The following SLC7A2 variants were observed in gnomAD, a reference collection of about 807,000 sequenced individuals.
SLC7A2 encodes the protein solute carrier family 7 member 2.
SLC7A2 carries 48 observed loss-of-function variants against 58.9 expected under a neutral mutation model. The ratio of observed to expected loss-of-function variants is 0.82; its 90% CI spans 0.65 to 1.04. The LOEUF is 1.04. Among genes scored for constraint, SLC7A2 ranks in the 50% least tolerant of loss-of-function variants. The pLI, the probability that SLC7A2 is intolerant of heterozygous loss-of-function variation, is 0.00. For synonymous variants in SLC7A2, 363 were observed against 314.5 expected (o/e 1.15, Z -1.63); for missense variants, 1,029 against 818.8 (o/e 1.26, Z -3.13).
intron 2 of SLC7A2, among the ~76,000 whole-genome samples, chr8:17,525,865 A>G (rs989072517): frequency 1.3e-5 from 2 of 152,204 alleles, no homozygotes; most frequent in Non-Finnish European, 2.9e-5. Context: ...AGGGAGGCTG[A>G]GTACTGAGAG....
chr8:17,507,133 G>A (rs1800400618), intron 2 of SLC7A2, among the ~76,000 whole-genome samples: 1 of 151,900 alleles, frequency 6.6e-6, no homozygotes, highest in African/African-American at 2.4e-5. Flanking sequence ...TTTTAGTAGA[G>A]ATGGGGTTTT....
At chr8:17,561,284 G>A (rs1040625517) in intron 10 of SLC7A2, among the ~76,000 whole-genome samples, 3 of 152,164 alleles carry the variant, frequency 2.0e-5, no homozygotes, top group Admixed American at 6.5e-5. Flanking sequence ...ACAGTTCCAC[G>A]TGGTTAGGGA....
intron 1 of SLC7A2, chr8:17,498,532 C>G (rs1800036342): frequency 6.6e-6 from 1 of 152,124 alleles, no homozygotes; most frequent in Non-Finnish European, 1.5e-5. Flanking sequence ...TCTCTCAGTG[C>G]AGAACACAGG....
In SLC7A2 at chr8:17,554,644, C is replaced by A; in HGVS notation, c.1140C>A (p.Ile380=). ...DGLLFKCLAQ[I]NSKTKTPIIA... The stretch of plus-strand genomic sequence containing the variant: ...TGCTTTTCAAATGTCTAGCTCAAAT[C>A]AATTCCAAAACGAAGACACCAATAA... The change falls in exon 8 of 13, where the codon ATC becomes ATA. Residue 380 remains isoleucine (I), a synonymous_variant. Coordinates refer to ENST00000494857, the MANE Select transcript of SLC7A2 (RefSeq NM_001370338.1). 2 of 1,613,454 alleles carry A rather than the reference C, an allele frequency of 1.2e-6. No individual in the cohort carries two copies. Among genetic ancestry groups the A allele is most frequent in the South Asian group, 1.1e-5 (1 of 90,976 alleles).
intron 2 of SLC7A2, among the ~76,000 whole-genome samples, chr8:17,518,709 TTA>T (rs1314694013): frequency 6.6e-6 from 1 of 152,206 alleles, no homozygotes; most frequent in Non-Finnish European, 1.5e-5. Context: ...ATGCTAATCA[TTA>T]TATTATATTC....
intron 2 of SLC7A2, among the ~76,000 whole-genome samples, chr8:17,511,563 G>A (rs1382422908): frequency 1.3e-5 from 2 of 152,176 alleles, no homozygotes; most frequent in African/African-American, 4.8e-5. Flanking sequence ...ATTATTCACA[G>A]AATAGATAGA....
intron 6 of SLC7A2, 101 bp from the exon 7 acceptor site, chr8:17,551,660 AGAG>A (rs1021737561): frequency 1.1e-5 from 9 of 812,984 alleles, no homozygotes; most frequent in Admixed American, 5.9e-5. Flanking sequence ...GGACAAAAGC[AGAG>A]GAGAACTACC....
At position 17,551,795 on chromosome 8, in the gene SLC7A2, T is replaced by G. The variant is rs1802462608; in HGVS notation, c.864T>G (p.Ile288Met). 2 of 1,613,870 alleles carry G rather than the reference T, an allele frequency of 1.2e-6. No individual in the cohort carries two copies. Among genetic ancestry groups the G allele is most frequent in the Admixed American group, 3.3e-5 (2 of 59,970 alleles). ...AAGTTCGGAATCCCCAGAAAGCTAT[T>G]CCCATTGGAATTGTGACGTCTTTGC... ...GEEVRNPQKA[I>M]PIGIVTSLLV... is the part of the protein sequence containing the mutation. Residue 288 changes from isoleucine (I) to methionine (M), a missense_variant, in exon 7 of 13, where the codon ATT (isoleucine) becomes ATG (methionine). Transcript: ENST00000494857.
At chr8:17,558,538 A>G (rs1193061253) in intron 9 of SLC7A2, 141 bp downstream of exon 9, 3 of 521,954 alleles carry the variant, frequency 5.7e-6, no homozygotes, top group Non-Finnish European at 1.0e-5. Flanking sequence ...ATAGCAATGA[A>G]AAGTGGAAGA....
intron 2 of SLC7A2, among the ~76,000 whole-genome samples, chr8:17,512,218 A>C (rs1800631880): frequency 6.6e-6 from 1 of 151,902 alleles, no homozygotes; most frequent in African/African-American, 2.4e-5. Flanking sequence ...GCTTTTTTTC[A>C]AGGCCCTGGA....
chr8:17,506,794 T>C (rs2150655139), intron 2 of SLC7A2, among the ~76,000 whole-genome samples: 1 of 151,992 alleles, frequency 6.6e-6, no homozygotes, highest in South Asian at 2.1e-4. Context: ...CTTTGTTGCC[T>C]GTCTGGAGTG....
Position 17,543,766 on chromosome 8 carries a change from C to G in SLC7A2, c.376+51C>G, listed in dbSNP as rs374329351. On this transcript the variant is annotated intron_variant, in intron 3 of 12. Transcript: ENST00000494857. The stretch of plus-strand genomic sequence containing the variant: ...TGTGTGGAATGGAAGAAATCGCAGC[C>G]CTGAGTCACAGCCCTTAGGTTCAGT... 80 of 1,482,502 alleles carry G rather than the reference C, an allele frequency of 5.4e-5. No individual in the cohort carries two copies. The African/African-American group carries it at 1.1e-3, about 20-fold the overall frequency. The allele number at this position is 1,482,502 out of a possible 1,614,324, so 91.8% of individuals were successfully genotyped here.
Position 17,518,915 on chromosome 8 carries a change from G to C in SLC7A2, c.-23+16613G>C, listed in dbSNP as rs186058320. On this transcript the variant is annotated intron_variant, in intron 2 of 12. Coordinates refer to ENST00000494857, the MANE Select transcript of SLC7A2 (RefSeq NM_001370338.1). ...TGCCAGCATGGTTGAGCTCTGGGGAGGGCTCTTTTCCTGGCCTGCAGACGG... is the reference window on the plus strand; with the variant it reads ...TGCCAGCATGGTTGAGCTCTGGGGACGGCTCTTTTCCTGGCCTGCAGACGG... 2.2e-3 allele frequency among the ~76,000 whole-genome samples: 340 copies of C among 152,226 alleles called. 1 individual carries two copies. Among genetic ancestry groups the C allele is most frequent in the Non-Finnish European group, 1.1e-3 (78 of 68,004 alleles).
chr8:17,544,579 G>C lies in SLC7A2; in HGVS notation c.505G>C (p.Ala169Pro). 1 of 1,613,864 alleles carries C rather than the reference G, an allele frequency of 6.2e-7. No individual in the cohort carries two copies. ...TGLAEYPDFFAVCLILLLAGL... is the reference protein window; with the variant it reads ...TGLAEYPDFFPVCLILLLAGL... ...TCTTGCAGAATATCCCGATTTTTTT[G>C]CTGTGTGCCTTATATTACTTCTAGC... The change falls in exon 4 of 13, where the codon GCT (alanine) becomes CCT (proline). Residue 169 changes from alanine to proline, a missense_variant. Transcript: ENST00000494857.
intron 2 of SLC7A2, among the ~76,000 whole-genome samples, chr8:17,522,684 C>G (rs145504890): frequency 3.4e-3 from 513 of 152,150 alleles, no homozygotes; most frequent in African/African-American, 0.011. Context: ...GGGTCAAATT[C>G]TAGCTAATAG....
At chr8:17,504,069 C>T (rs1038264360) in intron 2 of SLC7A2, among the ~76,000 whole-genome samples, 3 of 152,166 alleles carry the variant, frequency 2.0e-5, no homozygotes, top group African/African-American at 7.2e-5. Context: ...AGTGAGATTT[C>T]GATTTCAACT....
intron 2 of SLC7A2, among the ~76,000 whole-genome samples, chr8:17,524,933 G>T (rs954447633): frequency 2.0e-5 from 3 of 152,000 alleles, no homozygotes; most frequent in African/African-American, 7.3e-5. Flanking sequence ...TTAACTTTTG[G>T]AAGTGGAGAA....
At chr8:17,522,476 G>C (rs1302343725) in intron 2 of SLC7A2, among the ~76,000 whole-genome samples, 1 of 152,134 alleles carries the variant, frequency 6.6e-6, no homozygotes, top group Non-Finnish European at 1.5e-5. Flanking sequence ...AGTAGATTGT[G>C]CGCTTGTTTG....
chr8:17,519,392 G>C (rs1800927019), intron 2 of SLC7A2, among the ~76,000 whole-genome samples: 1 of 152,166 alleles, frequency 6.6e-6, no homozygotes, highest in Admixed American at 6.5e-5. Flanking sequence ...GAACTTATCA[G>C]AACTCTTCTG....
Sources: allele counts gnomAD v4.1 joint callset (sites outside exome capture counted in the v4.1 genomes callset), GRCh38; gene constraint gnomAD v4.1.1; transcripts MANE v1.5; gene names NCBI Gene and HGNC (gene_info 2026-07-23, HGNC 2026-07-21).